The following PARD3 variants were observed in gnomAD, a reference collection of about 807,000 sequenced individuals.
The protein encoded by PARD3 is partitioning defective 3 homolog.
In PARD3, 75 loss-of-function variants were observed where a neutral mutation model predicts 155.4. The observed-to-expected ratio is 0.48, with a 90% confidence interval of 0.40 to 0.58. The LOEUF (loss-of-function observed/expected upper bound fraction) is 0.58. Among genes scored for constraint, PARD3 ranks in the 20% least tolerant of loss-of-function variants. The probability of loss-of-function intolerance (pLI) is 0.00; values close to 1 mark genes in which losing one functional copy is unlikely to be tolerated. For missense variants in PARD3, 1,642 were observed against 1,721.7 expected, an observed-to-expected ratio of 0.95 and a Z score of 0.82; for synonymous variants, 576 against 610.5, an observed-to-expected ratio of 0.94 and a Z score of 0.83.
At chr10:34,547,995 G>A (rs977316931) in intron 2 of PARD3, among the ~76,000 whole-genome samples, 6 of 152,094 alleles carry the variant, frequency 3.9e-5, no homozygotes, top group African/African-American at 7.2e-5. Context: ...GGACACCTTC[G>A]GGCCACTCAT....
chr10:34,227,672 A>G (rs368455971), intron 22 of PARD3, among the ~76,000 whole-genome samples: 1 of 151,704 alleles, frequency 6.6e-6, no homozygotes, highest in South Asian at 2.1e-4. Context: ...TAAAAAAATA[A>G]CAGATGTTGG....
rs1364333303 is a variant in PARD3, at chr10:34,279,007, T to A, written c.3176+5128A>T. Among the ~76,000 whole-genome samples the A allele has an allele frequency of 3.3e-5, 5 of 152,172 alleles. No individual in the cohort carries two copies. The East Asian group carries it at 7.7e-4, about 23-fold the overall frequency. ...CAGAGAGATGCTCTTAAGCCAAATA[T>A]ATCTAGGACAGCTCTCATCAGAAAG... On this transcript the variant is annotated intron_variant, in intron 21 of 24. Transcript: ENST00000374788.
At chr10:34,348,787 T>G (rs191293631) in intron 14 of PARD3, among the ~76,000 whole-genome samples, 1 of 152,292 alleles carries the variant, frequency 6.6e-6, no homozygotes, top group East Asian at 1.9e-4. Context: ...GGACCAAATA[T>G]TCTAATAAAG....
At chr10:34,773,532 C>T (rs1335749687) in intron 1 of PARD3, among the ~76,000 whole-genome samples, 1 of 152,156 alleles carries the variant, frequency 6.6e-6, no homozygotes, top group Non-Finnish European at 1.5e-5. Context: ...GATAATCATG[C>T]CAAATTGCTG....
At chr10:34,532,268 T>C (rs74132051) in intron 2 of PARD3, among the ~76,000 whole-genome samples, 2,653 of 152,318 alleles carry the variant, frequency 0.017, 87 homozygotes, top group African/African-American at 0.061. Context: ...TCTCGCTACA[T>C]AGTTCATCTA....
At chr10:34,210,121 C>T (rs944352841) in intron 22 of PARD3, among the ~76,000 whole-genome samples, 3 of 152,060 alleles carry the variant, frequency 2.0e-5, no homozygotes, top group Non-Finnish European at 2.9e-5. Flanking sequence ...AATGCGAGGC[C>T]AGGACTAAGA....
At position 34,449,296 on chromosome 10, in the gene PARD3, T is replaced by C. The variant is rs375622210; in HGVS notation, c.714+1021A>G. ...CCTCATACTGTACCCTTTAAATATATACTATTTTTATCTGTCAATTATACT... is the reference window on the plus strand; with the variant it reads ...CCTCATACTGTACCCTTTAAATATACACTATTTTTATCTGTCAATTATACT... On this transcript the variant is annotated intron_variant, in intron 5 of 24. Coordinates refer to ENST00000374788, the MANE Select transcript of PARD3 (RefSeq NM_001184785.2). 6.6e-5 allele frequency among the ~76,000 whole-genome samples: 10 copies of C among 151,948 alleles called. No homozygotes were observed. The East Asian group carries it at 1.7e-3, about 26-fold the overall frequency.
chr10:34,256,300 G>T (rs1393097937), intron 22 of PARD3, among the ~76,000 whole-genome samples: 4 of 152,148 alleles, frequency 2.6e-5, no homozygotes, highest in South Asian at 4.1e-4. Context: ...ATTTCATCTG[G>T]ACACTCTGCA....
intron 1 of PARD3, among the ~76,000 whole-genome samples, chr10:34,718,307 G>A (rs2094552552): frequency 6.6e-6 from 1 of 152,106 alleles, no homozygotes; most frequent in Admixed American, 6.6e-5. Context: ...GCTTCATGAA[G>A]AAATGGTCAT....
intron 12 of PARD3, among the ~76,000 whole-genome samples, chr10:34,368,253 G>A (rs181493494): frequency 6.6e-6 from 1 of 152,118 alleles, no homozygotes; most frequent in Non-Finnish European, 1.5e-5. Flanking sequence ...AAATAAAAAC[G>A]AACAAAGACA....
chr10:34,598,578 G>A (rs1300706777), intron 2 of PARD3, among the ~76,000 whole-genome samples: 3 of 152,128 alleles, frequency 2.0e-5, no homozygotes, highest in East Asian at 1.9e-4. Context: ...TGTAAACAAG[G>A]CTCTTTTTCC....
chr10:34,625,187 A>T (rs2091919420), intron 2 of PARD3, among the ~76,000 whole-genome samples: 1 of 152,250 alleles, frequency 6.6e-6, no homozygotes, highest in South Asian at 2.1e-4. Context: ...CTATTCTTTC[A>T]GGTTCTGACT....
intron 1 of PARD3, among the ~76,000 whole-genome samples, chr10:34,762,259 G>GGAGA (rs139337549): frequency 4.7e-5 from 7 of 149,432 alleles, no homozygotes; most frequent in Admixed American, 2.0e-4. Flanking sequence ...GGAGGGAGAG[G>GGAGA]GAGAGAGAGA....
intron 2 of PARD3, among the ~76,000 whole-genome samples, chr10:34,558,505 C>CA (rs2085193759): frequency 1.3e-5 from 2 of 152,210 alleles, no homozygotes. Flanking sequence ...CCCCTTGACT[C>CA]TAATTATACT....
rs1353223742 is a variant in PARD3 at position 34,605,962 on chromosome 10, CTCCTATATCTATATCTCCTATATATA to C, written c.223-88829_223-88804del. Reference sequence around the variant, plus strand: ...ATATATATCTCCTATATATATATATCTCCTATATCTATATCTCCTATATATATATATCTCCTATATATATATATCTC... The same window carrying C: ...ATATATATCTCCTATATATATATATCTATATCTCCTATATATATATATCTC... On this transcript the variant is annotated intron_variant, in intron 2 of 24. Coordinates refer to ENST00000374788, the MANE Select transcript of PARD3 (RefSeq NM_001184785.2). 2.6e-3 allele frequency among the ~76,000 whole-genome samples: 280 copies of C among 107,454 alleles called. 41 individuals are homozygous for C. The highest frequency in any genetic ancestry group is 8.1e-3 in the African/African-American group (214 of 26,542). The allele number at this position is 107,454 out of a possible 152,430, so 70.5% of individuals were successfully genotyped here. A position where few individuals can be genotyped will look rare whatever the true frequency, so the allele number is the denominator to read the frequency against.
intron 2 of PARD3, among the ~76,000 whole-genome samples, chr10:34,655,001 TTC>T (rs2093125789): frequency 6.6e-6 from 1 of 152,026 alleles, no homozygotes; most frequent in Non-Finnish European, 1.5e-5. Context: ...CAAATCCTTT[TTC>T]TGAGTCCAAC....
chr10:34,349,406 A>C (rs1269816169), intron 14 of PARD3, among the ~76,000 whole-genome samples: 1 of 151,982 alleles, frequency 6.6e-6, no homozygotes, highest in East Asian at 1.9e-4. Context: ...TAGACTCAAT[A>C]AGGTTTAAAT....
intron 22 of PARD3, among the ~76,000 whole-genome samples, chr10:34,181,376 T>C (rs1660627): frequency 0.34 from 51,081 of 152,002 alleles, 10,225 homozygotes; most frequent in African/African-American, 0.56. Context: ...AAAATACGTA[T>C]CTGTATAACG....
chr10:34,576,791 T>C (rs921105929), intron 2 of PARD3, among the ~76,000 whole-genome samples: 1 of 152,226 alleles, frequency 6.6e-6, no homozygotes, highest in Non-Finnish European at 1.5e-5. Flanking sequence ...GATACCTCTA[T>C]GATATTTTTA....
Sources: gnomAD v4.1 joint callset for allele counts (sites outside exome capture counted in the v4.1 genomes callset) on GRCh38, gnomAD v4.1.1 for gene constraint, MANE v1.5 for transcripts, NCBI Gene and HGNC (gene_info 2026-07-23, HGNC 2026-07-21) for gene names.